Variants in RBFOX1 observed in about 807,000 individuals in gnomAD.
RBFOX1 encodes RNA binding fox-1 homolog 1.
A neutral mutation model predicts 57.7 loss-of-function variants in RBFOX1; 8 were observed. That is an observed-to-expected ratio of 0.14 (90% CI 0.08 to 0.25). The LOEUF (loss-of-function observed/expected upper bound fraction) is 0.25. RBFOX1 is among the 10% of genes least tolerant of loss of function. The pLI is 1.00. For missense variants in RBFOX1, 611 were observed against 548.5 expected, an observed-to-expected ratio of 1.11 and a Z score of -1.14; for synonymous variants, 326 against 222.4, an observed-to-expected ratio of 1.47 and a Z score of -4.15.
At chr16:5,811,768 G>A (rs574011336) in intron 3 of RBFOX1, among the ~76,000 whole-genome samples, 87 of 152,204 alleles carry the variant, frequency 5.7e-4, no homozygotes, top group South Asian at 4.1e-3. Flanking sequence ...TATTTTTAAG[G>A]CATTATTGAG....
At chr16:6,625,259 A>G (rs17664756) in intron 2 of RBFOX1, among the ~76,000 whole-genome samples, 36,080 of 148,810 alleles carry the variant, frequency 0.24, 4,435 homozygotes, top group Admixed American at 0.31. Flanking sequence ...ATTGCAGTTG[A>G]GTTAAGTGCT....
At chr16:7,441,339 G>C (rs757747068) in intron 4 of RBFOX1, among the ~76,000 whole-genome samples, 1 of 152,164 alleles carries the variant, frequency 6.6e-6, no homozygotes, top group African/African-American at 2.4e-5. Context: ...AAATGCCTTG[G>C]AAACTAAAAA....
At chr16:7,294,023 C>T (rs914908402) in intron 4 of RBFOX1, among the ~76,000 whole-genome samples, 1 of 152,094 alleles carries the variant, frequency 6.6e-6, no homozygotes, top group Non-Finnish European at 1.5e-5. Flanking sequence ...CTGAGCATTT[C>T]TGGGGTCAAA....
chr16:6,514,892 G>C (rs2096341736), intron 2 of RBFOX1, among the ~76,000 whole-genome samples: 1 of 152,034 alleles, frequency 6.6e-6, no homozygotes, highest in African/African-American at 2.4e-5. Flanking sequence ...GGAAGGGGAG[G>C]AGGAGAAAAA....
rs1228365330 is a variant in RBFOX1 at position 6,867,250 on chromosome 16, C to CT, written c.-15-184799dup. ...GGAAAAAAAAATACTTTTTTTCTTC[C>CT]TTTTTTTTCCTTTCTGATGAGCATG... is the stretch of plus-strand genomic sequence containing the variant. On this transcript the variant is annotated intron_variant, in intron 3 of 15. Coordinates refer to ENST00000550418, the MANE Select transcript of RBFOX1 (RefSeq NM_018723.4). Among the ~76,000 whole-genome samples, 6 of 151,750 alleles carry CT rather than the reference C, an allele frequency of 4.0e-5. No individual in the cohort carries two copies. The East Asian group carries it at 5.8e-4, about 15-fold the overall frequency.
chr16:6,010,664 C>T (rs1033220484), intron 4 of RBFOX1, among the ~76,000 whole-genome samples: 14 of 152,196 alleles, frequency 9.2e-5, no homozygotes, highest in African/African-American at 3.4e-4. Flanking sequence ...AGAACCCTAT[C>T]AGAGAAGGCT....
intron 2 of RBFOX1, among the ~76,000 whole-genome samples, chr16:6,416,686 C>T (rs1049846582): frequency 3.9e-5 from 6 of 152,152 alleles, no homozygotes; most frequent in African/African-American, 1.2e-4. Flanking sequence ...GCCATTTCCA[C>T]GCCCATGTTA....
intron 1 of RBFOX1, among the ~76,000 whole-genome samples, chr16:6,106,644 A>G (rs1182319377): frequency 1.3e-5 from 2 of 152,110 alleles, no homozygotes; most frequent in Admixed American, 6.5e-5. Context: ...AAGTATGCAT[A>G]TCATAAGGAA....
At chr16:7,602,670 G>T (rs1036588526) in intron 9 of RBFOX1, among the ~76,000 whole-genome samples, 1 of 152,116 alleles carries the variant, frequency 6.6e-6, no homozygotes, top group African/African-American at 2.4e-5. Flanking sequence ...ATTTACATAA[G>T]CCCGCATGAG....
At chr16:6,947,917 C>T (rs967232706) in intron 3 of RBFOX1, among the ~76,000 whole-genome samples, 2 of 152,118 alleles carry the variant, frequency 1.3e-5, no homozygotes, top group African/African-American at 2.4e-5. Flanking sequence ...GCTGGGATTA[C>T]AGGCTCAACC....
chr16:7,449,883 A>G lies in RBFOX1; in HGVS notation c.28-68264A>G, dbSNP rs192833423. On this transcript the variant is annotated intron_variant, in intron 4 of 15. Coordinates refer to ENST00000550418, the MANE Select transcript of RBFOX1 (RefSeq NM_018723.4). ...GGAGTCTCAAATGCGAGGGGCTTGA[A>G]GACATTTGTGAAGGGACACTATGAA... Among the ~76,000 whole-genome samples, 270 of 152,236 alleles carry G rather than the reference A, an allele frequency of 1.8e-3. 1 individual carries two copies. The highest frequency in any genetic ancestry group is 6.8e-3 in the Middle Eastern group (2 of 294).
intron 3 of RBFOX1, among the ~76,000 whole-genome samples, chr16:6,754,756 A>G (rs943839098): frequency 6.6e-6 from 1 of 152,026 alleles, no homozygotes; most frequent in Non-Finnish European, 1.5e-5. Context: ...CACAATGTGC[A>G]GGTTAGTTAC....
At chr16:5,909,665 C>G (rs775842041) in intron 4 of RBFOX1, among the ~76,000 whole-genome samples, 10 of 152,172 alleles carry the variant, frequency 6.6e-5, no homozygotes, top group Non-Finnish European at 1.0e-4. Flanking sequence ...GTCTGTTTGC[C>G]TTCTCAGTTG....
At chr16:6,098,772 G>T (rs2096273483) in intron 1 of RBFOX1, among the ~76,000 whole-genome samples, 1 of 152,126 alleles carries the variant, frequency 6.6e-6, no homozygotes, top group Non-Finnish European at 1.5e-5. Context: ...TTACTAACAA[G>T]TTCCTCAGGG....
intron 2 of RBFOX1, among the ~76,000 whole-genome samples, chr16:5,498,066 T>C (rs554005192): frequency 1.3e-5 from 2 of 152,224 alleles, no homozygotes; most frequent in East Asian, 3.9e-4. Context: ...TGAGTGAGCT[T>C]GAGGGAGAGG....
At chr16:5,739,436 A>C (rs902938742) in intron 3 of RBFOX1, among the ~76,000 whole-genome samples, 5 of 152,242 alleles carry the variant, frequency 3.3e-5, no homozygotes, top group African/African-American at 1.2e-4. Context: ...AGTGGATAAT[A>C]AAAATAAGTA....
intron 1 of RBFOX1, among the ~76,000 whole-genome samples, chr16:5,348,150 C>A (rs2065185765): frequency 6.7e-6 from 1 of 149,578 alleles, no homozygotes; most frequent in Non-Finnish European, 1.5e-5. Flanking sequence ...ACCCATGTAT[C>A]CATCCACCCA....
In RBFOX1 at chr16:6,472,496, C is replaced by T. The variant is rs181366242; in HGVS notation, c.-64+155439C>T. On this transcript the variant is annotated intron_variant, in intron 2 of 15. Transcript: ENST00000550418. Reference sequence around the variant, plus strand: ...GGGTCTTGTTGCATCCTGTTGTTTCCTTTGGGAGGTGACATACTGCTGACA... The same window carrying T: ...GGGTCTTGTTGCATCCTGTTGTTTCTTTTGGGAGGTGACATACTGCTGACA... Among the ~76,000 whole-genome samples, 40 of 152,230 alleles carry T rather than the reference C, an allele frequency of 2.6e-4. 1 individual carries two copies. Among genetic ancestry groups the T allele is most frequent in the African/African-American group, 8.9e-4 (37 of 41,540 alleles).
chr16:6,917,006 C>T (rs1024142123), intron 3 of RBFOX1, among the ~76,000 whole-genome samples: 4 of 152,044 alleles, frequency 2.6e-5, no homozygotes, highest in Admixed American at 6.6e-5. Context: ...CATGCCATCA[C>T]ATCAGGCTAA....
Sources: allele counts gnomAD v4.1 joint callset (sites outside exome capture counted in the v4.1 genomes callset), GRCh38; gene constraint gnomAD v4.1.1; transcripts MANE v1.5; gene names NCBI Gene and HGNC (gene_info 2026-07-23, HGNC 2026-07-21).